The following NOL10 variants were observed in gnomAD, a reference collection of about 807,000 sequenced individuals.
NOL10 encodes H_NH0074G24.1.
NOL10 carries 58 observed loss-of-function variants against 103.5 expected under a neutral mutation model. That is an observed-to-expected ratio of 0.56 (90% CI 0.45 to 0.70). NOL10 has a LOEUF of 0.70. Ranked by LOEUF, NOL10 falls within the 30% of genes least tolerant of loss-of-function variation. The pLI is 0.00. For synonymous variants in NOL10, 287 were observed against 282.5 expected (o/e 1.02, Z -0.16); for missense variants, 763 against 807.3 (o/e 0.95, Z 0.67).
At chr2:10,607,715 G>A (rs968378365) in intron 13 of NOL10, among the ~76,000 whole-genome samples, 9 of 146,154 alleles carry the variant, frequency 6.2e-5, no homozygotes, top group Non-Finnish European at 1.3e-4. Flanking sequence ...CCAAACAAAA[G>A]TCTAAAAGAA....
chr2:10,591,044 G>C (rs1182124086), intron 17 of NOL10: 2 of 152,194 alleles, frequency 1.3e-5, no homozygotes, highest in Non-Finnish European at 2.9e-5. Context: ...TTGTGTGACA[G>C]ACCTATACAA....
At chr2:10,633,737 A>C (rs967135539) in intron 13 of NOL10, among the ~76,000 whole-genome samples, 6 of 152,038 alleles carry the variant, frequency 3.9e-5, no homozygotes, top group Non-Finnish European at 8.8e-5. Flanking sequence ...GAGCCACTGG[A>C]AGGTTTTAAG....
At chr2:10,622,727 T>C (rs934694059) in intron 13 of NOL10, among the ~76,000 whole-genome samples, 9 of 151,372 alleles carry the variant, frequency 5.9e-5, no homozygotes, top group African/African-American at 2.2e-4. Flanking sequence ...ATAAAGATGA[T>C]TTTTTTTTCT....
At chr2:10,664,197 G>A (rs534403969) in intron 8 of NOL10, among the ~76,000 whole-genome samples, 119 of 152,088 alleles carry the variant, frequency 7.8e-4, no homozygotes, top group African/African-American at 2.6e-3. Context: ...TTTGAAGGCC[G>A]AGGTAGGTGG....
Position 10,616,213 on chromosome 2 carries a change from C to T in NOL10, c.1027-8902G>A, listed in dbSNP as rs1676824553. Among the ~76,000 whole-genome samples the T allele has an allele frequency of 1.4e-5, 2 of 141,410 alleles. 1 individual carries two copies. Among genetic ancestry groups the T allele is most frequent in the East Asian group, 4.2e-4 (2 of 4,788 alleles). The allele number at this position is 141,410 out of a possible 152,430, so 92.8% of individuals were successfully genotyped here. A position where few individuals can be genotyped will look rare whatever the true frequency, so the allele number is the denominator to read the frequency against. ...AAAACTACCAGTGGACAACACCACC[C>T]TGCATTTTTTTTTTTTTTTTTTTTT... On this transcript the variant is annotated intron_variant, in intron 13 of 20. Transcript: ENST00000381685.
intron 13 of NOL10, among the ~76,000 whole-genome samples, chr2:10,614,403 G>GT (rs1558290740): frequency 6.6e-6 from 1 of 152,084 alleles, no homozygotes; most frequent in East Asian, 1.9e-4. Context: ...TGAGGCCCTG[G>GT]TTCTTTAACA....
At chr2:10,613,450 T>A (rs1367679174) in intron 13 of NOL10, among the ~76,000 whole-genome samples, 1 of 152,214 alleles carries the variant, frequency 6.6e-6, no homozygotes, top group East Asian at 1.9e-4. Context: ...AAGCCCTTTA[T>A]CTGCTGAGGC....
chr2:10,654,431 G>A, intron 12 of NOL10, 50 bp downstream of exon 12: 1 of 1,249,986 alleles, frequency 8.0e-7, no homozygotes, highest in East Asian at 2.4e-5. Context: ...GTTCACTACA[G>A]AATGCATCTT....
intron 16 of NOL10, among the ~76,000 whole-genome samples, 153 bp from the exon 17 acceptor site, chr2:10,601,095 G>A (rs935242361): frequency 2.6e-5 from 4 of 151,420 alleles, no homozygotes; most frequent in Non-Finnish European, 4.4e-5. Context: ...ATGGAGTCTC[G>A]CTCTGTCACC....
intron 17 of NOL10, among the ~76,000 whole-genome samples, chr2:10,590,530 G>C (rs1351316238): frequency 6.6e-6 from 1 of 152,138 alleles, no homozygotes; most frequent in African/African-American, 2.4e-5. Flanking sequence ...GCAGGAAGCT[G>C]GTGATGTCAG....
chr2:10,573,231 G>T (rs1300454615), intron 20 of NOL10, among the ~76,000 whole-genome samples: 2 of 152,022 alleles, frequency 1.3e-5, no homozygotes, highest in Non-Finnish European at 2.9e-5. Flanking sequence ...GTCTTGCTCT[G>T]TTGCCAGGCT....
Position 10,571,448 on chromosome 2 carries a change from T to C in NOL10, c.*623A>G, listed in dbSNP as rs1434935259. The C allele has an allele frequency of 6.6e-6, 1 of 152,426 alleles. No homozygotes were observed. Among genetic ancestry groups the C allele is most frequent in the Non-Finnish European group, 1.5e-5 (1 of 68,200 alleles). The allele number at this position is 152,426 out of a possible 1,614,324, so 9.4% of individuals were successfully genotyped here. ...AGTTTCAGGTAGTTCTTTATAGCAGTGCAAGAACAGATAAATACAGTGCTC... is the reference window on the plus strand; with the variant it reads ...AGTTTCAGGTAGTTCTTTATAGCAGCGCAAGAACAGATAAATACAGTGCTC... On this transcript the variant is annotated 3_prime_UTR_variant, in exon 21 of 21. Coordinates refer to ENST00000381685, the MANE Select transcript of NOL10 (RefSeq NM_024894.4).
At chr2:10,621,690 G>C (rs1027454918) in intron 13 of NOL10, among the ~76,000 whole-genome samples, 18 of 152,312 alleles carry the variant, frequency 1.2e-4, no homozygotes, top group Admixed American at 1.2e-3. Flanking sequence ...ACTTGCTAGA[G>C]GGAAGTACAC....
intron 13 of NOL10, among the ~76,000 whole-genome samples, chr2:10,643,291 G>T (rs2148279042): frequency 6.6e-6 from 1 of 152,206 alleles, no homozygotes; most frequent in South Asian, 2.1e-4. Flanking sequence ...ATTTTAAAAG[G>T]ACTATCATAG....
Position 10,623,275 on chromosome 2 carries a change from G to A in NOL10, c.1027-15964C>T, listed in dbSNP as rs116577807. On this transcript the variant is annotated intron_variant, in intron 13 of 20. Coordinates refer to ENST00000381685, the MANE Select transcript of NOL10 (RefSeq NM_024894.4). The stretch of plus-strand genomic sequence containing the variant: ...GTCCTGATACTTCTCCAGTCTTACC[G>A]GAGAAGTATCAGTATCTCCCATTCC... Among the ~76,000 whole-genome samples, 585 of 152,064 alleles carry A rather than the reference G, an allele frequency of 3.8e-3. 8 individuals are homozygous for A. The highest frequency in any genetic ancestry group is 0.013 in the African/African-American group (536 of 41,480).
At chr2:10,574,914 T>C (rs142220624) in intron 20 of NOL10, among the ~76,000 whole-genome samples, 2 of 152,322 alleles carry the variant, frequency 1.3e-5, no homozygotes, top group South Asian at 2.1e-4. Flanking sequence ...TTGTAAGCAG[T>C]GACTATTGTT....
At position 10,634,695 on chromosome 2, in the gene NOL10, A is replaced by G. The variant is rs528708629; in HGVS notation, c.1026+9625T>C. ...CAAGGACTAAGTCCTAGCGCTCACTAACATTCAGAGGTCAGGGGAGAGAGG... is the reference window on the plus strand; with the variant it reads ...CAAGGACTAAGTCCTAGCGCTCACTGACATTCAGAGGTCAGGGGAGAGAGG... On this transcript the variant is annotated intron_variant, in intron 13 of 20. Transcript: ENST00000381685. The G allele has an allele frequency of 4.1e-4, 177 of 436,194 alleles. 5 individuals carry two copies. Among genetic ancestry groups the G allele is most frequent in the South Asian group, 2.7e-3 (167 of 60,992 alleles). 27.0% of individuals were successfully genotyped at this position (436,194 alleles called of 1,614,324 possible). A position where few individuals can be genotyped will look rare whatever the true frequency, so the allele number is the denominator to read the frequency against.
chr2:10,607,370 A>G, intron 13 of NOL10, 59 bp from the exon 14 acceptor site: 1 of 1,506,860 alleles, frequency 6.6e-7, no homozygotes, highest in Non-Finnish European at 8.9e-7. Context: ...TCCAAGTCTC[A>G]GTTATTTATA....
At position 10,675,775 on chromosome 2, in the gene NOL10, A is replaced by T; in HGVS notation, c.289+19T>A. ...ATAAAAAGCCATTTTCATGAATTCA[A>T]ATTTAGCTTTTTACTCACCTTCTGA... On this transcript the variant is annotated intron_variant, in intron 4 of 20. Transcript: ENST00000381685. The T allele has an allele frequency of 1.4e-6, 2 of 1,439,966 alleles. No homozygotes were observed. Among genetic ancestry groups the T allele is most frequent in the East Asian group, 4.7e-5 (2 of 42,482 alleles). The allele number at this position is 1,439,966 out of a possible 1,614,324, so 89.2% of individuals were successfully genotyped here.
Sources: allele counts gnomAD v4.1 joint callset (sites outside exome capture counted in the v4.1 genomes callset), GRCh38; gene constraint gnomAD v4.1.1; transcripts MANE v1.5; gene names NCBI Gene and HGNC (gene_info 2026-07-23, HGNC 2026-07-21).